TMEM175: variants seen among roughly 807,000 people sequenced by gnomAD.
TMEM175 encodes the protein endosomal/lysosomal proton channel TMEM175.
Under a neutral mutation model 36.5 loss-of-function variants are expected in TMEM175, and 36 were observed. The observed-to-expected ratio is 0.99, with a 90% confidence interval of 0.76 to 1.30. The LOEUF is 1.30. Among genes scored for constraint, TMEM175 ranks in the 50% most tolerant of loss-of-function variants. TMEM175 has a pLI of 0.00. For synonymous variants in TMEM175, 339 were observed against 313.4 expected (o/e 1.08, Z -0.86); for missense variants, 705 against 692.8 (o/e 1.02, Z -0.20).
At chr4:939,233 A>C (rs1397339005) in intron 1 of TMEM175, among the ~76,000 whole-genome samples, 1 of 152,238 alleles carries the variant, frequency 6.6e-6, no homozygotes, top group Non-Finnish European at 1.5e-5. Flanking sequence ...TTGGAGAAAG[A>C]ATAATTGTTT....
chr4:950,132 C>T (rs1323605942), intron 3 of TMEM175, among the ~76,000 whole-genome samples: 1 of 149,736 alleles, frequency 6.7e-6, no homozygotes, highest in Non-Finnish European at 1.5e-5. Context: ...TGGAGTACAC[C>T]TGTGGGTGTG....
At chr4:950,169 G>A (rs535341559) in intron 3 of TMEM175, among the ~76,000 whole-genome samples, 15 of 151,778 alleles carry the variant, frequency 9.9e-5, no homozygotes, top group African/African-American at 3.4e-4. Context: ...CTGGAGAAGG[G>A]GTGGGGGCTG....
chr4:946,747 G>T (rs1043301829), intron 1 of TMEM175, among the ~76,000 whole-genome samples: 85 of 152,216 alleles, frequency 5.6e-4, no homozygotes, highest in Admixed American at 5.5e-3. Flanking sequence ...GCTCCCACAG[G>T]CGGACTGGAG....
chr4:955,446 C>G lies in TMEM175; in HGVS notation c.669C>G (p.Val223=). The change falls in exon 9 of 11, where the codon GTC becomes GTG. Residue 223 remains valine (V), a synonymous_variant. Coordinates refer to ENST00000264771, the MANE Select transcript of TMEM175 (RefSeq NM_032326.4). ...LMVTVILLPY[V]SKVTGWCRDR... is the part of the protein sequence containing the mutation. ...TGACTGTCATCCTCCTCCCCTATGT[C>G]AGCAAGGTCACCGGCTGGTGCAGAG... 1 of 1,614,186 alleles carries G rather than the reference C, an allele frequency of 6.2e-7. No homozygotes were observed. Among genetic ancestry groups the G allele is most frequent in the African/African-American group, 1.3e-5 (1 of 75,070 alleles).
At chr4:941,159 C>T (rs942187826) in intron 1 of TMEM175, among the ~76,000 whole-genome samples, 2 of 150,468 alleles carry the variant, frequency 1.3e-5, no homozygotes, top group Non-Finnish European at 3.0e-5. Context: ...GGGCAGATTA[C>T]GAGGTCAGGA....
At chr4:940,448 CA>C (rs397879918) in intron 1 of TMEM175, among the ~76,000 whole-genome samples, 6,566 of 91,186 alleles carry the variant, frequency 0.072, 169 homozygotes, top group African/African-American at 0.15. Flanking sequence ...AACTCGATCT[CA>C]AAAAAAAAAA....
rs777722206 is a variant in TMEM175, at chr4:951,660, G to C, written c.343-22G>C. On this transcript the variant is annotated intron_variant, in intron 5 of 10. Coordinates refer to ENST00000264771, the MANE Select transcript of TMEM175 (RefSeq NM_032326.4). The stretch of plus-strand genomic sequence containing the variant: ...CTTCTCCCCAGGCCGCATCATGGCT[G>C]TGATGCCCTCCCTCCCTCCAGGCCT... The C allele has an allele frequency of 1.9e-6, 3 of 1,613,972 alleles. No individual in the cohort carries two copies. The South Asian group carries it at 3.3e-5, about 18-fold the overall frequency.
chr4:934,381 G>A (rs769411027), intron 1 of TMEM175, among the ~76,000 whole-genome samples: 107 of 152,192 alleles, frequency 7.0e-4, no homozygotes, highest in Non-Finnish European at 1.2e-3. Flanking sequence ...GATGTTCGGG[G>A]CAGAGAGTGC....
chr4:950,642 C>T (rs908253153), intron 4 of TMEM175, 124 bp downstream of exon 4: 30 of 723,902 alleles, frequency 4.1e-5, no homozygotes, highest in Non-Finnish European at 5.5e-5. Context: ...CCCTCATCCG[C>T]GTGGGGATGG....
rs370378265 is a variant in TMEM175, at chr4:958,042, G to A, written c.1061G>A (p.Gly354Asp). ...LNTLSLAFVG[G>D]LPLAYQQTSA... Reference sequence around the variant, plus strand: ...ACGCTCTCGCTGGCCTTCGTGGGTGGCCTCCCACTAGCCTACCAGCAGACC... The same window carrying A: ...ACGCTCTCGCTGGCCTTCGTGGGTGACCTCCCACTAGCCTACCAGCAGACC... Residue 354 changes from glycine to aspartate, a missense_variant, in exon 11 of 11, where the codon GGC (glycine) becomes GAC (aspartate). By Grantham distance (94) the Gly-to-Asp change is moderately conservative. Transcript: ENST00000264771. The A allele has an allele frequency of 3.5e-5, 57 of 1,610,938 alleles. No homozygotes were observed. The African/African-American group carries it at 7.2e-4, about 20-fold the overall frequency.
chr4:947,939 G>A lies in TMEM175; in HGVS notation c.153+47G>A, dbSNP rs199888201. 1.8e-5 allele frequency: 29 copies of A among 1,613,358 alleles called. No individual in the cohort carries two copies. The African/African-American group carries it at 2.0e-4, about 11-fold the overall frequency. On this transcript the variant is annotated intron_variant, in intron 2 of 10. Coordinates refer to ENST00000264771, the MANE Select transcript of TMEM175 (RefSeq NM_032326.4). Reference sequence around the variant, plus strand: ...AGGCCTGCCCCACCCCGAGCCTCTCGAGGCACTGCCCAGCCCACCTCAGAC... The same window carrying A: ...AGGCCTGCCCCACCCCGAGCCTCTCAAGGCACTGCCCAGCCCACCTCAGAC...
Position 932,848 on chromosome 4 carries a change from G to A in TMEM175, c.-32+308G>A, listed in dbSNP as rs1350552024. Among the ~76,000 whole-genome samples, 2 of 152,234 alleles carry A rather than the reference G, an allele frequency of 1.3e-5. No individual in the cohort carries two copies. The highest frequency in any genetic ancestry group is 6.5e-5 in the Admixed American group (1 of 15,288). On this transcript the variant is annotated intron_variant, in intron 1 of 10. Transcript: ENST00000264771. This position sits in a 1 kb window ranked among gnomAD's most constrained non-coding sequence, Gnocchi z 4.0. ...CCCCCTCCCAGCAGCCAGGCAGGCAGTTTGCAGGGGAAACGCTGCTGCATT... is the reference window on the plus strand; with the variant it reads ...CCCCCTCCCAGCAGCCAGGCAGGCAATTTGCAGGGGAAACGCTGCTGCATT...
At chr4:936,549 A>G (rs1726798882) in intron 1 of TMEM175, among the ~76,000 whole-genome samples, 1 of 152,214 alleles carries the variant, frequency 6.6e-6, no homozygotes, top group Admixed American at 6.5e-5. Context: ...TGACATCACT[A>G]CGGAAAGGAT....
rs1560503628 is a variant in TMEM175, at chr4:957,941, G to A, written c.960G>A (p.Val320=). The change falls in exon 11 of 11, where the codon GTG becomes GTA. Residue 320 remains valine, a synonymous_variant. Transcript: ENST00000264771. ...FLAYFGSFAT[V]GLLWFAHHSL... ...CGTACTTCGGCTCCTTCGCCACAGT[G>A]GGACTGCTGTGGTTCGCCCACCACT... 6.2e-7 allele frequency: 1 copy of A among 1,612,736 alleles called. No individual in the cohort carries two copies. Among genetic ancestry groups the A allele is most frequent in the South Asian group, 1.1e-5 (1 of 91,094 alleles).
At chr4:954,853 T>C (rs1448392630) in intron 8 of TMEM175, among the ~76,000 whole-genome samples, 2 of 152,158 alleles carry the variant, frequency 1.3e-5, no homozygotes, top group African/African-American at 2.4e-5. Flanking sequence ...AAGAATCTCG[T>C]TGTGGTTTTG....
In TMEM175 at chr4:953,086, C is replaced by T. The variant is rs1267766517; in HGVS notation, c.463-104C>T. On this transcript the variant is annotated intron_variant, in intron 7 of 10. Coordinates refer to ENST00000264771, the MANE Select transcript of TMEM175 (RefSeq NM_032326.4). ...GCAGCCCGGGGCCAGGTCCTCCCCA[C>T]CTCGAGACCCTTGCGTGCGTGTGCC... The T allele has an allele frequency of 3.9e-6, 5 of 1,280,014 alleles. No individual in the cohort carries two copies. In the Admixed American group the frequency reaches 1.1e-4, roughly 27 times the overall value. 79.3% of individuals were successfully genotyped at this position (1,280,014 alleles called of 1,614,324 possible).
intron 4 of TMEM175, among the ~76,000 whole-genome samples, chr4:950,834 G>A (rs1025624511): frequency 6.6e-6 from 1 of 151,946 alleles, no homozygotes; most frequent in Non-Finnish European, 1.5e-5. Flanking sequence ...TGTGGATGGT[G>A]TGGATGGTGC....
chr4:947,937 T>C, intron 2 of TMEM175, 45 bp downstream of exon 2: 1 of 1,613,618 alleles, frequency 6.2e-7, no homozygotes. Context: ...CCCGAGCCTC[T>C]CGAGGCACTG....
intron 9 of TMEM175, 63 bp downstream of exon 9, chr4:955,546 C>T (rs2153004795): frequency 1.3e-6 from 2 of 1,525,436 alleles, no homozygotes; most frequent in East Asian, 2.3e-5. Flanking sequence ...CGTGCGGCTG[C>T]TCCGCACTGA....
Sources: allele counts gnomAD v4.1 joint callset (sites outside exome capture counted in the v4.1 genomes callset), GRCh38; gene constraint gnomAD v4.1.1; non-coding constraint Gnocchi (gnomAD v3.1); transcripts MANE v1.5; gene names NCBI Gene and HGNC (gene_info 2026-07-23, HGNC 2026-07-21).